The following SAMD13 variants were observed in gnomAD, a reference collection of about 807,000 sequenced individuals.
SAMD13 encodes sterile alpha motif domain containing 13.
Under a neutral mutation model 12.4 loss-of-function variants are expected in SAMD13, and 9 were observed. The observed-to-expected ratio is 0.72, with a 90% confidence interval of 0.44 to 1.26. The LOEUF (loss-of-function observed/expected upper bound fraction) is 1.26. Among genes scored for constraint, SAMD13 ranks in the 50% most tolerant of loss-of-function variants. The pLI is 0.00. For synonymous variants in SAMD13, 46 were observed against 45.4 expected (o/e 1.01, Z -0.05); for missense variants, 84 against 119.6 (o/e 0.70, Z 1.39).
chr1:84,314,737 G>C (rs140483345), intron 2 of SAMD13, among the ~76,000 whole-genome samples: 89 of 152,224 alleles, frequency 5.8e-4, no homozygotes, highest in African/African-American at 2.1e-3. Flanking sequence ...CTAAAAGCCA[G>C]GGAAACTATT....
At chr1:84,322,133 G>T (rs1678959934) in intron 2 of SAMD13, among the ~76,000 whole-genome samples, 1 of 152,100 alleles carries the variant, frequency 6.6e-6, no homozygotes, top group Non-Finnish European at 1.5e-5. Flanking sequence ...CCCTCGATTC[G>T]AATATTCCTC....
At chr1:84,342,569 T>C (rs1679452068) in intron 3 of SAMD13, among the ~76,000 whole-genome samples, 1 of 152,166 alleles carries the variant, frequency 6.6e-6, no homozygotes, top group Non-Finnish European at 1.5e-5. Flanking sequence ...TACAATCATC[T>C]GATCTTTGAC....
intron 2 of SAMD13, among the ~76,000 whole-genome samples, chr1:84,321,371 T>C (rs1678939849): frequency 6.6e-6 from 1 of 151,942 alleles, no homozygotes; most frequent in South Asian, 2.1e-4. Flanking sequence ...TATAAATATA[T>C]ATATTAAAGA....
intron 2 of SAMD13, among the ~76,000 whole-genome samples, chr1:84,309,334 C>T (rs1678656758): frequency 6.6e-6 from 1 of 152,080 alleles, no homozygotes; most frequent in Admixed American, 6.6e-5. Flanking sequence ...GATCCTGGTT[C>T]TTGTGTCGTT....
chr1:84,348,398 T>C (rs1679578124), intron 3 of SAMD13, among the ~76,000 whole-genome samples: 1 of 152,066 alleles, frequency 6.6e-6, no homozygotes, highest in African/African-American at 2.4e-5. Context: ...CCGTTTTACG[T>C]AGTTGCAGCT....
At chr1:84,339,572 T>C (rs1679377716) in intron 3 of SAMD13, among the ~76,000 whole-genome samples, 1 of 152,186 alleles carries the variant, frequency 6.6e-6, no homozygotes, top group Non-Finnish European at 1.5e-5. Flanking sequence ...GTCGAGGTAT[T>C]CCCTGTCTGC....
chr1:84,318,842 AT>A (rs1678886311), intron 2 of SAMD13, among the ~76,000 whole-genome samples: 1 of 152,188 alleles, frequency 6.6e-6, no homozygotes, highest in Non-Finnish European at 1.5e-5. Flanking sequence ...ATGATAATGG[AT>A]TAAGAATTGA....
At chr1:84,327,661 T>C (rs1252487761) in intron 3 of SAMD13, among the ~76,000 whole-genome samples, 1 of 152,032 alleles carries the variant, frequency 6.6e-6, no homozygotes, top group Non-Finnish European at 1.5e-5. Context: ...AAAACAGAAG[T>C]GTTTAGGGTA....
chr1:84,302,528 T>C (rs560853048), intron 1 of SAMD13: 4 of 255,780 alleles, frequency 1.6e-5, no homozygotes, highest in South Asian at 1.5e-4. Context: ...AGTTACCTAC[T>C]CTTTCTTACA....
chr1:84,325,536 C>CA (rs1679038559), intron 2 of SAMD13, 101 bp from the exon 3 acceptor site: 3 of 709,084 alleles, frequency 4.2e-6, no homozygotes, highest in East Asian at 2.5e-5. Flanking sequence ...CATCTGAACC[C>CA]AAAAAACATG....
At position 84,301,786 on chromosome 1, in the gene SAMD13, T is replaced by C. The variant is rs1197559498; in HGVS notation, c.-48T>C. 2 of 984,966 alleles carry C rather than the reference T, an allele frequency of 2.0e-6. No homozygotes were observed. Among genetic ancestry groups the C allele is most frequent in the Non-Finnish European group, 2.4e-6 (2 of 829,554 alleles). The allele number at this position is 984,966 out of a possible 1,614,324, so 61.0% of individuals were successfully genotyped here. A position where few individuals can be genotyped will look rare whatever the true frequency, so the allele number is the denominator to read the frequency against. On this transcript the variant is annotated 5_prime_UTR_variant, in exon 1 of 4. Coordinates refer to ENST00000394834, the MANE Select transcript of SAMD13 (RefSeq NM_001134663.2). Reference sequence around the variant, plus strand: ...TGATAAGCCTATAAAAAATGATATTTTTTAGTTGCTTATAGGTAGGTTTTC... The same window carrying C: ...TGATAAGCCTATAAAAAATGATATTCTTTAGTTGCTTATAGGTAGGTTTTC...
chr1:84,299,157 C>A (rs1426204748), upstream of SAMD13, among the ~76,000 whole-genome samples: 1 of 152,078 alleles, frequency 6.6e-6, no homozygotes, highest in Non-Finnish European at 1.5e-5. Context: ...AGGCTGGCTG[C>A]ACCGGGGGTC....
At chr1:84,302,423 T>C (rs1678471739) in intron 1 of SAMD13, among the ~76,000 whole-genome samples, 1 of 151,824 alleles carries the variant, frequency 6.6e-6, no homozygotes, top group Non-Finnish European at 1.5e-5. Flanking sequence ...AGGCTTTTAA[T>C]TTTCCACAGC....
intron 2 of SAMD13, among the ~76,000 whole-genome samples, chr1:84,310,448 G>T (rs1387881207): frequency 1.3e-5 from 2 of 152,106 alleles, no homozygotes; most frequent in African/African-American, 4.8e-5. Flanking sequence ...CATGGAACCC[G>T]TGAGCCACAG....
At position 84,325,257 on chromosome 1, in the gene SAMD13, G is replaced by A. The variant is rs116851215; in HGVS notation, c.54-380G>A. On this transcript the variant is annotated intron_variant, in intron 2 of 3. Coordinates refer to ENST00000394834, the MANE Select transcript of SAMD13 (RefSeq NM_001134663.2). ...GTGCAGAGGCTCAGATCTATGAAAGGACTTGGCCTATTGTGGAAGGGCTTT... is the reference window on the plus strand; with the variant it reads ...GTGCAGAGGCTCAGATCTATGAAAGAACTTGGCCTATTGTGGAAGGGCTTT... Among the ~76,000 whole-genome samples the A allele has an allele frequency of 1.5e-3, 235 of 152,242 alleles. 5 individuals are homozygous for A. The East Asian group carries it at 0.042, about 28-fold the overall frequency.
At chr1:84,328,213 G>C (rs1237134575) in intron 3 of SAMD13, among the ~76,000 whole-genome samples, 1 of 152,110 alleles carries the variant, frequency 6.6e-6, no homozygotes, top group Non-Finnish European at 1.5e-5. Context: ...TCTGAGCCTG[G>C]CCCACGAGCA....
Position 84,336,032 on chromosome 1 carries a change from G to A in SAMD13, c.165+10284G>A, listed in dbSNP as rs376204427. On this transcript the variant is annotated intron_variant, in intron 3 of 3. Transcript: ENST00000394834. ...CTGATGACTATGTGTCTAGGGGATG[G>A]TCATTTTGTATAGTATCTCACAAGG... Among the ~76,000 whole-genome samples the A allele has an allele frequency of 2.0e-5, 3 of 152,158 alleles. No homozygotes were observed. The South Asian group carries it at 6.2e-4, about 32-fold the overall frequency.
At chr1:84,318,842 A>G (rs1416979388) in intron 2 of SAMD13, among the ~76,000 whole-genome samples, 3 of 152,188 alleles carry the variant, frequency 2.0e-5, no homozygotes, top group African/African-American at 7.2e-5. Flanking sequence ...ATGATAATGG[A>G]TTAAGAATTG....
rs541049709 is a variant in SAMD13, at chr1:84,308,344, A to G, written c.53+5057A>G. ...AGGGATAACATGTAGTCTTAAGGCT[A>G]TGTTGTGGAGGGGGCTGCCCCTATA... On this transcript the variant is annotated intron_variant, in intron 2 of 3. Coordinates refer to ENST00000394834, the MANE Select transcript of SAMD13 (RefSeq NM_001134663.2). 3.9e-5 allele frequency among the ~76,000 whole-genome samples: 6 copies of G among 152,288 alleles called. 1 individual carries two copies. Among genetic ancestry groups the G allele is most frequent in the South Asian group, 2.1e-4 (1 of 4,820 alleles).
Sources: gnomAD v4.1 joint callset for allele counts (sites outside exome capture counted in the v4.1 genomes callset) on GRCh38, gnomAD v4.1.1 for gene constraint, MANE v1.5 for transcripts, NCBI Gene and HGNC (gene_info 2026-07-23, HGNC 2026-07-21) for gene names.